The following TSHZ2 variants were observed in gnomAD, a reference collection of about 807,000 sequenced individuals.
TSHZ2 encodes the protein teashirt homolog 2.
In TSHZ2, 21 loss-of-function variants were observed where a neutral mutation model predicts 74.4. The observed-to-expected ratio is 0.28, with a 90% CI of 0.20 to 0.41. The LOEUF is 0.41. Among genes scored for constraint, TSHZ2 ranks in the 10% least tolerant of loss-of-function variants. The pLI, the probability that TSHZ2 is intolerant of heterozygous loss-of-function variation, is 1.00. For synonymous variants in TSHZ2, 540 were observed against 515.3 expected (o/e 1.05, Z -0.65); for missense variants, 1,244 against 1,293.5 (o/e 0.96, Z 0.59).
chr20:53,119,418 G>A (rs192670755), intron 1 of TSHZ2, among the ~76,000 whole-genome samples: 25 of 152,244 alleles, frequency 1.6e-4, no homozygotes, highest in Admixed American at 1.3e-3. Context: ...TGTAAGACAC[G>A]ATGATAAGTG....
At chr20:53,325,244 T>G (rs1408256481) in intron 2 of TSHZ2, among the ~76,000 whole-genome samples, 1 of 152,246 alleles carries the variant, frequency 6.6e-6, no homozygotes, top group African/African-American at 2.4e-5. Flanking sequence ...AGCACTGCTC[T>G]GTGCAATTTC....
chr20:53,482,629 A>G (rs562648983), intron 2 of TSHZ2, among the ~76,000 whole-genome samples: 2 of 152,176 alleles, frequency 1.3e-5, no homozygotes, highest in African/African-American at 4.8e-5. Context: ...AGGGCTGCAC[A>G]TGGTGGCTCA....
rs138034706 is a variant in TSHZ2, at chr20:53,213,858, A to G, written c.41-39641A>G. Among the ~76,000 whole-genome samples, 719 of 152,264 alleles carry G rather than the reference A, an allele frequency of 4.7e-3. 5 individuals are homozygous for G. The highest frequency in any genetic ancestry group is 8.9e-3 in the Non-Finnish European group (603 of 68,028). On this transcript the variant is annotated intron_variant, in intron 1 of 2. Coordinates refer to ENST00000371497, the MANE Select transcript of TSHZ2 (RefSeq NM_173485.6). The stretch of plus-strand genomic sequence containing the variant: ...AAGGGTAAGACTGTGCCTCCTGACA[A>G]TAAGTCCAGCCTGACTTTGTAACAT...
intron 1 of TSHZ2, among the ~76,000 whole-genome samples, chr20:53,036,511 A>G (rs942300070): frequency 6.6e-6 from 1 of 151,106 alleles, no homozygotes; most frequent in African/African-American, 2.4e-5. Context: ...ATAAACACAT[A>G]TATTAGAAAT....
intron 2 of TSHZ2, among the ~76,000 whole-genome samples, chr20:53,470,811 T>C (rs1034226331): frequency 7.0e-6 from 1 of 143,552 alleles, no homozygotes; most frequent in East Asian, 2.2e-4. Flanking sequence ...AAAATCCATC[T>C]CAAAAAAAAT....
chr20:53,440,050 A>G (rs532720739), intron 2 of TSHZ2, among the ~76,000 whole-genome samples: 4 of 152,138 alleles, frequency 2.6e-5, no homozygotes, highest in Admixed American at 6.5e-5. Flanking sequence ...ATGCCATTAC[A>G]TGAAATAATA....
intron 2 of TSHZ2, among the ~76,000 whole-genome samples, chr20:53,259,124 G>C (rs944928593): frequency 6.6e-6 from 1 of 152,114 alleles, no homozygotes; most frequent in Non-Finnish European, 1.5e-5. Context: ...TGCATGTAAG[G>C]TTTCTAAATG....
In TSHZ2 at chr20:53,268,418, A is replaced by T. The variant is rs151000660; in HGVS notation, c.*8+11847A>T. Among the ~76,000 whole-genome samples, 145 of 152,284 alleles carry T rather than the reference A, an allele frequency of 9.5e-4. 1 individual carries two copies. The highest frequency in any genetic ancestry group is 3.4e-3 in the African/African-American group (142 of 41,560). ...ATCCAGACATGGGCCGAGACATGGC[A>T]ATACGAGGGAAGAACTCAAGCAGGA... is the stretch of plus-strand genomic sequence containing the variant. On this transcript the variant is annotated intron_variant, in intron 2 of 2. Coordinates refer to ENST00000371497, the MANE Select transcript of TSHZ2 (RefSeq NM_173485.6).
chr20:53,451,162 A>C (rs957675054), intron 2 of TSHZ2, among the ~76,000 whole-genome samples: 2 of 152,208 alleles, frequency 1.3e-5, no homozygotes, highest in Non-Finnish European at 2.9e-5. Flanking sequence ...TGTACAGCCT[A>C]CACATAGTAC....
At chr20:53,007,052 G>A (rs143788334) in intron 1 of TSHZ2, among the ~76,000 whole-genome samples, 1 of 152,114 alleles carries the variant, frequency 6.6e-6, no homozygotes, top group Non-Finnish European at 1.5e-5. Context: ...TTCTTTAATT[G>A]CCATTGTGAC....
intron 2 of TSHZ2, among the ~76,000 whole-genome samples, chr20:53,330,307 A>G (rs912472760): frequency 6.6e-6 from 1 of 152,242 alleles, no homozygotes; most frequent in Non-Finnish European, 1.5e-5. Flanking sequence ...CTATAGGGCA[A>G]TAACAAAGCC....
At chr20:53,281,726 G>A (rs540497455) in intron 2 of TSHZ2, among the ~76,000 whole-genome samples, 1 of 152,284 alleles carries the variant, frequency 6.6e-6, no homozygotes, top group Admixed American at 6.5e-5. Context: ...AACCAGTAAG[G>A]GAGTAGGGAA....
rs181073978 is a variant in TSHZ2 at position 53,332,598 on chromosome 20, G to C, written c.*8+76027G>C. On this transcript the variant is annotated intron_variant, in intron 2 of 2. Transcript: ENST00000371497. Reference sequence around the variant, plus strand: ...ATACATGCAGGCACGCATGTGTTTGGAGTGGTGTGTGAAGCTGAAAGCCAA... The same window carrying C: ...ATACATGCAGGCACGCATGTGTTTGCAGTGGTGTGTGAAGCTGAAAGCCAA... Among the ~76,000 whole-genome samples, 116 of 152,292 alleles carry C rather than the reference G, an allele frequency of 7.6e-4. 1 individual carries two copies. The highest frequency in any genetic ancestry group is 1.6e-3 in the Non-Finnish European group (111 of 68,024).
At chr20:53,465,349 C>A (rs975290527) in intron 2 of TSHZ2, among the ~76,000 whole-genome samples, 1 of 152,134 alleles carries the variant, frequency 6.6e-6, no homozygotes, top group Non-Finnish European at 1.5e-5. Flanking sequence ...TGGCTCACAG[C>A]AACCTCTGCC....
intron 1 of TSHZ2, among the ~76,000 whole-genome samples, chr20:53,130,271 T>C (rs1244447477): frequency 6.6e-6 from 1 of 151,460 alleles, no homozygotes; most frequent in Non-Finnish European, 1.5e-5. Flanking sequence ...AAAGAAACAG[T>C]CATGGGAGCA....
At chr20:53,264,311 G>A (rs1008757628) in intron 2 of TSHZ2, among the ~76,000 whole-genome samples, 9 of 152,200 alleles carry the variant, frequency 5.9e-5, no homozygotes, top group Non-Finnish European at 1.2e-4. Context: ...GTAGCACACA[G>A]CAGTAGCACA....
intron 1 of TSHZ2, among the ~76,000 whole-genome samples, chr20:53,173,205 A>T (rs544027978): frequency 6.6e-6 from 1 of 152,372 alleles, no homozygotes; most frequent in Non-Finnish European, 1.5e-5. Flanking sequence ...TTAACAAAAT[A>T]AAATAAAGTA....
rs570413572 is a variant in TSHZ2 at position 53,482,108 on chromosome 20, T to TAAAAA, written c.*9-5014_*9-5010dup. ...GCAACAAGAGCGAAACTCCATCTCA[T>TAAAAA]AAAAAAAAAAAAAAAAAAAAAAAAA... On this transcript the variant is annotated intron_variant, in intron 2 of 2. Coordinates refer to ENST00000371497, the MANE Select transcript of TSHZ2 (RefSeq NM_173485.6). Among the ~76,000 whole-genome samples the TAAAAA allele has an allele frequency of 7.0e-4, 52 of 74,336 alleles. 4 individuals carry two copies. The highest frequency in any genetic ancestry group is 5.9e-3 in the East Asian group (15 of 2,526). 48.8% of individuals were successfully genotyped at this position (74,336 alleles called of 152,430 possible).
intron 1 of TSHZ2, among the ~76,000 whole-genome samples, chr20:53,135,064 T>C (rs994909320): frequency 2.0e-5 from 3 of 152,022 alleles, no homozygotes; most frequent in Non-Finnish European, 4.4e-5. Context: ...TTTTTATTTT[T>C]TAATCTATGT....
Sources: gnomAD v4.1 joint callset for allele counts (sites outside exome capture counted in the v4.1 genomes callset) on GRCh38, gnomAD v4.1.1 for gene constraint, MANE v1.5 for transcripts, NCBI Gene and HGNC (gene_info 2026-07-23, HGNC 2026-07-21) for gene names.